The following USP38 variants were observed in gnomAD, a reference collection of about 807,000 sequenced individuals.
USP38 encodes ubiquitin carboxyl-terminal hydrolase 38.
In USP38, 49 loss-of-function variants were observed where a neutral mutation model predicts 94.3. That is an observed-to-expected ratio of 0.52 (90% CI 0.41 to 0.66). The LOEUF (loss-of-function observed/expected upper bound fraction) is 0.66. USP38 is among the 30% of genes least tolerant of loss of function. The pLI is 0.00. For synonymous variants in USP38, 468 were observed against 463.6 expected (o/e 1.01, Z -0.12); for missense variants, 1,128 against 1,229.4 (o/e 0.92, Z 1.23).
Position 143,214,698 on chromosome 4 carries a change from G to C in USP38, c.2722G>C (p.Glu908Gln). 1 of 1,613,666 alleles carries C rather than the reference G, an allele frequency of 6.2e-7. No individual in the cohort carries two copies. The highest frequency in any genetic ancestry group is 8.5e-7 in the Non-Finnish European group (1 of 1,179,796). The change falls in exon 9 of 10, where the codon GAA (glutamate) becomes CAA (glutamine). Residue 908 changes from glutamate (E) to glutamine (Q), a missense_variant. By Grantham distance (29) the Glu-to-Gln change is conservative (BLOSUM62 2). Transcript: ENST00000307017. ...TTTTGAACAGGATTTGGAAAATAAG[G>C]AAATGTCAAAAGAATGGTTTTTATT... ...AVFEQDLENK[E>Q]MSKEWFLFND...
intron 2 of USP38, among the ~76,000 whole-genome samples, chr4:143,193,368 C>G (rs1207126074): frequency 6.6e-6 from 1 of 152,120 alleles, no homozygotes; most frequent in Admixed American, 6.5e-5. Flanking sequence ...TATTGACAAT[C>G]ATTTAGGTTG....
chr4:143,190,054 C>T (rs575623377), intron 2 of USP38, among the ~76,000 whole-genome samples: 83 of 152,082 alleles, frequency 5.5e-4, no homozygotes, highest in African/African-American at 1.6e-3. Context: ...TGTTCATCTC[C>T]TCATAATGTA....
chr4:143,217,612 CAGATT>C (rs780899193), intron 9 of USP38, among the ~76,000 whole-genome samples: 2 of 152,148 alleles, frequency 1.3e-5, no homozygotes, highest in Non-Finnish European at 2.9e-5. Flanking sequence ...ACTTCATAAT[CAGATT>C]AGAAACTCAC....
chr4:143,202,737 T>G (rs1048792362), intron 4 of USP38, among the ~76,000 whole-genome samples: 1 of 152,150 alleles, frequency 6.6e-6, no homozygotes, highest in African/African-American at 2.4e-5. Context: ...ATGATCATTT[T>G]AGATTTCACT....
chr4:143,209,843 G>A (rs1731976584), intron 7 of USP38, among the ~76,000 whole-genome samples, 186 bp downstream of exon 7: 1 of 151,904 alleles, frequency 6.6e-6, no homozygotes. Flanking sequence ...TTATTTTCAG[G>A]ATATGCCCTA....
intron 2 of USP38, among the ~76,000 whole-genome samples, chr4:143,188,321 T>C (rs1044565988): frequency 1.1e-4 from 16 of 152,232 alleles, no homozygotes; most frequent in African/African-American, 3.8e-4. Flanking sequence ...AAGTATATAC[T>C]TTACTTTCTC....
At chr4:143,192,881 C>G (rs1277727909) in intron 2 of USP38, among the ~76,000 whole-genome samples, 1 of 152,012 alleles carries the variant, frequency 6.6e-6, no homozygotes, top group Admixed American at 6.6e-5. Context: ...AGAATGGAAG[C>G]TTTTGAGATG....
chr4:143,196,635 A>G (rs773107233), intron 3 of USP38, among the ~76,000 whole-genome samples: 5 of 152,000 alleles, frequency 3.3e-5, no homozygotes, highest in Non-Finnish European at 7.4e-5. Context: ...TCTTTGGTCC[A>G]TTTTCTTCTC....
At chr4:143,189,509 A>G (rs1292835904) in intron 2 of USP38, among the ~76,000 whole-genome samples, 1 of 152,070 alleles carries the variant, frequency 6.6e-6, no homozygotes, top group Non-Finnish European at 1.5e-5. Flanking sequence ...CATTTGTACT[A>G]ACTTCACTCT....
intron 6 of USP38, among the ~76,000 whole-genome samples, chr4:143,208,523 C>T (rs1731933902): frequency 6.6e-6 from 1 of 151,958 alleles, no homozygotes; most frequent in South Asian, 2.1e-4. Context: ...TAATTTTTTG[C>T]CAATATGAAG....
chr4:143,195,202 C>G (rs759855852), intron 2 of USP38, among the ~76,000 whole-genome samples: 1 of 152,016 alleles, frequency 6.6e-6, no homozygotes, highest in Non-Finnish European at 1.5e-5. Flanking sequence ...AGTAAATTTG[C>G]CTAATAAATT....
rs1732380526 is a variant in USP38 at position 143,223,778 on chromosome 4, A to G, written c.*3322A>G. Reference sequence around the variant, plus strand: ...CTCTTTTAAAATGACTATTTCAAAAATACTGTACATTTATATATAGTATTT... The same window carrying G: ...CTCTTTTAAAATGACTATTTCAAAAGTACTGTACATTTATATATAGTATTT... On this transcript the variant is annotated 3_prime_UTR_variant, in exon 10 of 10. Coordinates refer to ENST00000307017, the MANE Select transcript of USP38 (RefSeq NM_032557.6). The G allele has an allele frequency of 6.6e-6, 1 of 152,194 alleles. No homozygotes were observed. The highest frequency in any genetic ancestry group is 1.9e-4 in the East Asian group (1 of 5,188). The allele number at this position is 152,194 out of a possible 1,614,324, so 9.4% of individuals were successfully genotyped here.
At position 143,212,181 on chromosome 4, in the gene USP38, T is replaced by C. The variant is rs1001721404; in HGVS notation, c.1498-137T>C. On this transcript the variant is annotated intron_variant, in intron 7 of 9. Coordinates refer to ENST00000307017, the MANE Select transcript of USP38 (RefSeq NM_032557.6). ...CTAAATAATTTTATCTGTCCCTAAG[T>C]TGCCACGTCCGGCACTTTTGGCTGA... The C allele has an allele frequency of 9.1e-6, 5 of 550,506 alleles. No individual in the cohort carries two copies. The Admixed American group carries it at 1.9e-4, about 21-fold the overall frequency. 34.1% of individuals were successfully genotyped at this position (550,506 alleles called of 1,614,324 possible).
In USP38 at chr4:143,214,183, A is replaced by G. The variant is rs747696738; in HGVS notation, c.2207A>G (p.Gln736Arg). The G allele has an allele frequency of 5.0e-6, 8 of 1,613,542 alleles. No individual in the cohort carries two copies. Among genetic ancestry groups the G allele is most frequent in the South Asian group, 1.1e-5 (1 of 91,012 alleles). ...CCAGAGATTCTTACTGGTGATAACC[A>G]ATATTATTGTGAAAACTGTGCCTCT... The part of the protein sequence containing the change: ...LAPEILTGDN[Q>R]YYCENCASLQ... The change falls in exon 9 of 10, where the codon CAA becomes CGA. Residue 736 changes from glutamine (Q) to arginine (R), a missense_variant. Transcript: ENST00000307017.
At position 143,185,551 on chromosome 4, in the gene USP38, A is replaced by G; in HGVS notation, c.101A>G (p.Asp34Gly). 6.2e-7 allele frequency: 1 copy of G among 1,614,022 alleles called. No homozygotes were observed. ...GTGGAATCGGCGGAGCACTGGCTAG[A>G]CGAGGCGCAGTGCGAGGCCATGTTT... ...KVVESAEHWL[D>G]EAQCEAMFDL... The change falls in exon 1 of 10, where the codon GAC becomes GGC. Residue 34 changes from aspartate (D) to glycine (G), a missense_variant. By Grantham distance (94) the Asp-to-Gly change is moderately conservative. Transcript: ENST00000307017.
At chr4:143,189,857 A>G (rs931194783) in intron 2 of USP38, among the ~76,000 whole-genome samples, 2 of 151,780 alleles carry the variant, frequency 1.3e-5, no homozygotes, top group Non-Finnish European at 2.9e-5. Flanking sequence ...ATATCTTTCT[A>G]TTCATTGTTC....
chr4:143,216,660 T>A (rs1458940300), intron 9 of USP38, among the ~76,000 whole-genome samples: 1 of 151,884 alleles, frequency 6.6e-6, no homozygotes, highest in African/African-American at 2.4e-5. Flanking sequence ...AAAAATTTTT[T>A]AAAGATTGTC....
At position 143,187,717 on chromosome 4, in the gene USP38, C is replaced by G. The variant is rs567211382; in HGVS notation, c.683-109C>G. On this transcript the variant is annotated intron_variant, in intron 1 of 9. Transcript: ENST00000307017. ...TGAGGGTGTAGCATAATAATCCTTC[C>G]TAGTTAACACCTTTGCTGCAATGAC... 267 of 1,176,666 alleles carry G rather than the reference C, an allele frequency of 2.3e-4. 2 individuals carry two copies. The highest frequency in any genetic ancestry group is 7.0e-6 in the Non-Finnish European group (6 of 862,050). 72.9% of individuals were successfully genotyped at this position (1,176,666 alleles called of 1,614,324 possible). A position where few individuals can be genotyped will look rare whatever the true frequency, so the allele number is the denominator to read the frequency against.
chr4:143,195,643 C>T, intron 2 of USP38, 73 bp from the exon 3 acceptor site: 3 of 1,450,458 alleles, frequency 2.1e-6, no homozygotes, highest in Non-Finnish European at 2.8e-6. Flanking sequence ...TGATTATCTA[C>T]TGTAACTCTT....
Sources: allele counts gnomAD v4.1 joint callset (sites outside exome capture counted in the v4.1 genomes callset), GRCh38; gene constraint gnomAD v4.1.1; transcripts MANE v1.5; gene names NCBI Gene and HGNC (gene_info 2026-07-23, HGNC 2026-07-21).